HDAC4: variants seen among roughly 807,000 people sequenced by gnomAD.
The protein encoded by HDAC4 is histone deacetylase A.
A neutral mutation model predicts 135.1 loss-of-function variants in HDAC4; 16 were observed. The ratio of observed to expected loss-of-function variants is 0.12; its 90% confidence interval spans 0.08 to 0.18. The LOEUF (loss-of-function observed/expected upper bound fraction) is 0.18, where lower values mean the gene tolerates loss of function less well. Among genes scored for constraint, HDAC4 ranks in the 10% least tolerant of loss-of-function variants. The pLI is 1.00. For synonymous variants in HDAC4, 685 were observed against 653.4 expected (o/e 1.05, Z -0.74); for missense variants, 1,143 against 1,511.8 (o/e 0.76, Z 4.05).
intron 16 of HDAC4, among the ~76,000 whole-genome samples, chr2:239,102,352 C>T (rs1427962355): frequency 1.3e-5 from 2 of 152,198 alleles, no homozygotes; most frequent in African/African-American, 2.4e-5. Flanking sequence ...GTGCTTTCAG[C>T]CAGAGCCAAG....
chr2:239,311,444 A>G (rs553408416), intron 2 of HDAC4, among the ~76,000 whole-genome samples: 16 of 152,364 alleles, frequency 1.1e-4, no homozygotes, highest in African/African-American at 3.1e-4. Context: ...CGCAGAACAC[A>G]TAACTCCTGG....
chr2:239,274,268 C>T (rs551830517), intron 2 of HDAC4, among the ~76,000 whole-genome samples: 1 of 152,294 alleles, frequency 6.6e-6, no homozygotes, highest in African/African-American at 2.4e-5. Flanking sequence ...TGGAAGGTTA[C>T]ACCCTCCCAG....
In HDAC4 at chr2:239,095,033, G is replaced by A. The variant is rs1409553924; in HGVS notation, c.2257C>T (p.Arg753Trp). 11 of 1,613,738 alleles carry A rather than the reference G, an allele frequency of 6.8e-6. No individual in the cohort carries two copies. The highest frequency in any genetic ancestry group is 1.6e-4 in the Middle Eastern group (1 of 6,082). ...ACCCCAACACCACCGCAAGGGAGCC[G>A]GACGAACACGGAGGCGAGCGAGCCT... ...LLGSLASVFV[R>W]LPCGGVGVDS... Residue 753 changes from arginine (R) to tryptophan (W), a missense_variant, in exon 17 of 27, where the codon CGG becomes TGG. By Grantham distance (101) the Arg-to-Trp change is moderately radical. Around this residue, in one of 9 missense-constraint regions of HDAC4, gnomAD observed 49 missense variants for 55.6 expected, o/e 0.88. Transcript: ENST00000543185.
intron 9 of HDAC4, among the ~76,000 whole-genome samples, chr2:239,137,068 T>C (rs2041013636): frequency 6.6e-6 from 1 of 152,212 alleles, no homozygotes; most frequent in Non-Finnish European, 1.5e-5. Context: ...AAGGAGACGT[T>C]CTAATGTTTG....
intron 24 of HDAC4, among the ~76,000 whole-genome samples, chr2:239,062,795 A>C (rs1273030160): frequency 6.6e-6 from 1 of 152,234 alleles, no homozygotes; most frequent in Non-Finnish European, 1.5e-5. Flanking sequence ...CAGGGATGCC[A>C]CCTGGATCTT....
intron 2 of HDAC4, among the ~76,000 whole-genome samples, chr2:239,304,087 A>G (rs1398144974): frequency 6.6e-6 from 1 of 152,234 alleles, no homozygotes; most frequent in East Asian, 1.9e-4. Context: ...CCGACCCGTA[A>G]GCAGTTGACC....
intron 1 of HDAC4, among the ~76,000 whole-genome samples, chr2:239,377,822 C>A (rs1352334220): frequency 6.6e-6 from 1 of 152,126 alleles, no homozygotes; most frequent in Non-Finnish European, 1.5e-5. Flanking sequence ...CAGACAAGCC[C>A]AGGCCCAAGA....
At chr2:239,102,396 A>G (rs1199535823) in intron 16 of HDAC4, among the ~76,000 whole-genome samples, 2 of 152,110 alleles carry the variant, frequency 1.3e-5, no homozygotes, top group Admixed American at 1.3e-4. Context: ...AGCAGTGGAC[A>G]CTCCCTAGGC....
In HDAC4 at chr2:239,126,711, GA is replaced by G. The variant is rs1559479598; in HGVS notation, c.1295-18del. ...GATACCAGTCTGAAGATAATTGGAG[GA>G]AGAAACAGCAGAGGGGAAGAGGAAG... On this transcript the variant is annotated intron_variant, in intron 11 of 26. Transcript: ENST00000543185. 1 of 1,611,870 alleles carries G rather than the reference GA, an allele frequency of 6.2e-7. No individual in the cohort carries two copies. Among genetic ancestry groups the G allele is most frequent in the Admixed American group, 1.7e-5 (1 of 60,018 alleles).
intron 24 of HDAC4, among the ~76,000 whole-genome samples, chr2:239,065,023 C>G (rs981598611): frequency 6.6e-6 from 1 of 152,226 alleles, no homozygotes; most frequent in South Asian, 2.1e-4. Context: ...TGCGGCCTGA[C>G]GTTTCCCCAC....
intron 20 of HDAC4, 24 bp downstream of exon 20, chr2:239,084,128 TGCG>T (rs1486576521): frequency 1.3e-6 from 2 of 1,565,702 alleles, no homozygotes; most frequent in Admixed American, 1.7e-5. Context: ...CAACCTGAGC[TGCG>T]CTGGCCAAGG....
chr2:239,382,796 C>A (rs1185502910), intron 1 of HDAC4, among the ~76,000 whole-genome samples: 1 of 152,056 alleles, frequency 6.6e-6, no homozygotes, highest in Admixed American at 6.6e-5. Flanking sequence ...GCGGTCCCGG[C>A]TCACTGCAAC....
chr2:239,388,462 T>C (rs1318056065), intron 1 of HDAC4, among the ~76,000 whole-genome samples: 1 of 152,228 alleles, frequency 6.6e-6, no homozygotes, highest in Non-Finnish European at 1.5e-5. Context: ...TGCCCACCTC[T>C]GCATGGGACA....
chr2:239,299,067 A>T lies in HDAC4; in HGVS notation c.22+53611T>A, dbSNP rs1438527402. Among the ~76,000 whole-genome samples, 1 of 151,846 alleles carries T rather than the reference A, an allele frequency of 6.6e-6. No homozygotes were observed. Among genetic ancestry groups the T allele is most frequent in the Non-Finnish European group, 1.5e-5 (1 of 67,966 alleles). ...GTATTTTTAGTAGAGACGGGGTTTC[A>T]TGTTAGCCAGGATGGTCTCGATCTC... On this transcript the variant is annotated intron_variant, in intron 2 of 26. Transcript: ENST00000543185. This position sits in a 1 kb window ranked among gnomAD's most constrained non-coding sequence, Gnocchi z 4.0.
intron 1 of HDAC4, among the ~76,000 whole-genome samples, chr2:239,394,061 A>G (rs1219848241): frequency 6.6e-6 from 1 of 151,736 alleles, no homozygotes; most frequent in Admixed American, 6.6e-5. Context: ...GCTCCAGCAA[A>G]TAGCAACACA....
intron 22 of HDAC4, among the ~76,000 whole-genome samples, chr2:239,077,470 T>G (rs1243292817): frequency 1.3e-5 from 2 of 152,236 alleles, no homozygotes; most frequent in East Asian, 3.9e-4. Context: ...CCGGCTCCAC[T>G]GTTCGCTTCT....
At chr2:239,126,401 A>G in intron 12 of HDAC4, 55 bp downstream of exon 12, 5 of 1,611,248 alleles carry the variant, frequency 3.1e-6, no homozygotes, top group Non-Finnish European at 4.2e-6. Flanking sequence ...CTGAGGCTGA[A>G]GCGCACAGCA....
At chr2:239,323,190 G>A (rs1015791203) in intron 2 of HDAC4, among the ~76,000 whole-genome samples, 9 of 152,028 alleles carry the variant, frequency 5.9e-5, no homozygotes, top group Non-Finnish European at 1.3e-4. Flanking sequence ...GAAATATTAC[G>A]GAGCTACAAA....
At chr2:239,066,358 T>G (rs1020693494) in intron 24 of HDAC4, among the ~76,000 whole-genome samples, 22 of 152,192 alleles carry the variant, frequency 1.4e-4, no homozygotes, top group African/African-American at 4.8e-4. Flanking sequence ...AGAAGCTGAC[T>G]GTCCACAGAG....
Sources: gnomAD v4.1 joint callset for allele counts (sites outside exome capture counted in the v4.1 genomes callset) on GRCh38, gnomAD v4.1.1 for gene constraint, gnomAD v4.1.1 regional missense constraint, Gnocchi (gnomAD v3.1) non-coding constraint, MANE v1.5 for transcripts, NCBI Gene and HGNC (gene_info 2026-07-23, HGNC 2026-07-21) for gene names.